Variants in PLXNC1 observed in about 807,000 individuals in gnomAD.
PLXNC1 encodes the protein plexin-C1.
A neutral mutation model predicts 178.2 loss-of-function variants in PLXNC1; 75 were observed. The ratio of observed to expected loss-of-function variants is 0.42; its 90% CI spans 0.35 to 0.51. The LOEUF is 0.51. PLXNC1 is among the 20% of genes least tolerant of loss of function. The probability of loss-of-function intolerance (pLI) is 0.02; values close to 1 mark genes in which losing one functional copy is unlikely to be tolerated. For missense variants in PLXNC1, 1,503 were observed against 1,984.4 expected, an observed-to-expected ratio of 0.76 and a Z score of 4.61; for synonymous variants, 790 against 779.9, an observed-to-expected ratio of 1.01 and a Z score of -0.22.
chr12:94,151,803 C>G (rs1960969435), intron 1 of PLXNC1, among the ~76,000 whole-genome samples: 1 of 152,204 alleles, frequency 6.6e-6, no homozygotes, highest in Admixed American at 6.5e-5. Flanking sequence ...CTGGAAGACT[C>G]AGTTCCCTTC....
intron 2 of PLXNC1, among the ~76,000 whole-genome samples, chr12:94,174,851 A>G (rs1180737890): frequency 6.6e-6 from 1 of 152,228 alleles, no homozygotes; most frequent in Non-Finnish European, 1.5e-5. Flanking sequence ...GCCTGCTTCA[A>G]GTTCTCCCCA....
Position 94,149,588 on chromosome 12 carries a change from C to T in PLXNC1, c.617C>T (p.Ala206Val). The T allele has an allele frequency of 6.4e-7, 1 of 1,572,246 alleles. No individual in the cohort carries two copies. Residue 206 changes from alanine to valine, a missense_variant, in exon 1 of 31, where the codon GCG (alanine) becomes GTG (valine). Coordinates refer to ENST00000258526, the MANE Select transcript of PLXNC1 (RefSeq NM_005761.3). The stretch of plus-strand genomic sequence containing the variant: ...GCATCCGACCACGACACGGCCATCG[C>T]GCTCAAGGACACGGAGGGGCGCAGC... ...PAASDHDTAI[A>V]LKDTEGRSLA...
chr12:94,254,984 C>A, intron 16 of PLXNC1, 96 bp downstream of exon 16: 1 of 1,076,180 alleles, frequency 9.3e-7, no homozygotes, highest in Non-Finnish European at 1.4e-6. Context: ...GTAATGAGAA[C>A]TGTTTGTATA....
chr12:94,255,329 A>G (rs1472092104), intron 17 of PLXNC1, 33 bp downstream of exon 17: 1 of 1,329,496 alleles, frequency 7.5e-7, no homozygotes, highest in Non-Finnish European at 1.1e-6. Flanking sequence ...CCGAAGGTTG[A>G]GTCTTGAATA....
chr12:94,175,584 T>G (rs4761466), intron 2 of PLXNC1, among the ~76,000 whole-genome samples: 133,214 of 152,192 alleles, frequency 0.88, 58,351 homozygotes, highest in East Asian at 0.97. Flanking sequence ...CCATGAGGCT[T>G]CAGGAAGACA....
At chr12:94,248,205 A>C (rs759167362) in intron 13 of PLXNC1, 22 bp from the exon 14 acceptor site, 1 of 1,602,770 alleles carries the variant, frequency 6.2e-7, no homozygotes, top group Non-Finnish European at 8.5e-7. Context: ...TGATTTCTCC[A>C]TCTTCATTTT....
intron 20 of PLXNC1, chr12:94,262,448 G>T: frequency 2.1e-6 from 2 of 974,910 alleles, no homozygotes; most frequent in Non-Finnish European, 2.4e-6. Context: ...CATTAGAGGG[G>T]TGAGATGTTC....
intron 4 of PLXNC1, among the ~76,000 whole-genome samples, chr12:94,198,367 A>G (rs1962996550): frequency 6.6e-6 from 1 of 152,186 alleles, no homozygotes; most frequent in African/African-American, 2.4e-5. Flanking sequence ...GACAACACAC[A>G]TAGGCTCAGC....
At chr12:94,262,817 T>C (rs1003965620) in intron 20 of PLXNC1, 1 of 966,292 alleles carries the variant, frequency 1.0e-6, no homozygotes, top group Non-Finnish European at 1.2e-6. Flanking sequence ...ATAATACCAT[T>C]TATTGAATGT....
At chr12:94,246,577 G>A (rs547631317) in intron 12 of PLXNC1, among the ~76,000 whole-genome samples, 97 of 152,294 alleles carry the variant, frequency 6.4e-4, no homozygotes, top group South Asian at 1.2e-3. Context: ...AGAGTAAATC[G>A]CATGGCGCGA....
At chr12:94,197,475 C>T (rs1176042171) in intron 4 of PLXNC1, among the ~76,000 whole-genome samples, 1 of 151,700 alleles carries the variant, frequency 6.6e-6, no homozygotes, top group Non-Finnish European at 1.5e-5. Flanking sequence ...CTCTCTCCCT[C>T]GTGCTTTCTT....
intron 1 of PLXNC1, among the ~76,000 whole-genome samples, chr12:94,152,742 CT>C (rs973554775): frequency 5.9e-5 from 9 of 152,194 alleles, no homozygotes; most frequent in African/African-American, 2.2e-4. Context: ...CTAGCTGGCT[CT>C]TATTTTCCGT....
intron 5 of PLXNC1, among the ~76,000 whole-genome samples, chr12:94,212,790 G>A (rs187091167): frequency 1.3e-5 from 2 of 150,568 alleles, no homozygotes; most frequent in Admixed American, 6.6e-5. Context: ...CACGATCTTG[G>A]CTCACTGCAA....
At chr12:94,239,439 C>T (rs1964322480) in intron 10 of PLXNC1, among the ~76,000 whole-genome samples, 5 of 152,150 alleles carry the variant, frequency 3.3e-5, no homozygotes, top group South Asian at 2.1e-4. Context: ...TGAAAATGTG[C>T]GTCTGAGGTG....
chr12:94,174,158 A>G (rs569325896), intron 2 of PLXNC1, among the ~76,000 whole-genome samples: 1 of 151,408 alleles, frequency 6.6e-6, no homozygotes, highest in Admixed American at 6.6e-5. Flanking sequence ...GTGGCCCTCT[A>G]CTCCCACTTA....
rs542676686 is a variant in PLXNC1, at chr12:94,226,549, A to G, written c.1791-56A>G. 1.2e-5 allele frequency: 14 copies of G among 1,171,584 alleles called. No homozygotes were observed. In the South Asian group the frequency reaches 1.5e-4, roughly 12 times the overall value. 72.6% of individuals were successfully genotyped at this position (1,171,584 alleles called of 1,614,324 possible). A position where few individuals can be genotyped will look rare whatever the true frequency, so the allele number is the denominator to read the frequency against. On this transcript the variant is annotated intron_variant, in intron 7 of 30. Transcript: ENST00000258526. ...ATGCCACATCACAGAGGGAAATTCT[A>G]GGATGTGAACATTGTCCTAAAACGC...
intron 1 of PLXNC1, 43 bp from the exon 2 acceptor site, chr12:94,169,109 TA>T (rs776209356): frequency 1.9e-6 from 3 of 1,549,122 alleles, no homozygotes; most frequent in East Asian, 2.4e-5. Context: ...CTATTGTTGT[TA>T]AAAATTATTA....
At chr12:94,286,022 C>A (rs1261195324) in intron 23 of PLXNC1, among the ~76,000 whole-genome samples, 1 of 152,178 alleles carries the variant, frequency 6.6e-6, no homozygotes, top group Non-Finnish European at 1.5e-5. Flanking sequence ...AGAACCACCA[C>A]AGCTGTCTGC....
At chr12:94,191,989 C>T (rs773454831) in intron 4 of PLXNC1, among the ~76,000 whole-genome samples, 3 of 152,022 alleles carry the variant, frequency 2.0e-5, no homozygotes, top group Non-Finnish European at 2.9e-5. Flanking sequence ...CACATGTGTT[C>T]AGTTATGGAT....
Sources: allele counts gnomAD v4.1 joint callset (sites outside exome capture counted in the v4.1 genomes callset), GRCh38; gene constraint gnomAD v4.1.1; transcripts MANE v1.5; gene names NCBI Gene and HGNC (gene_info 2026-07-23, HGNC 2026-07-21).